The following ZNF536 variants were observed in gnomAD, a reference collection of about 807,000 sequenced individuals.
ZNF536 encodes zinc finger protein 536.
In ZNF536, 13 loss-of-function variants were observed where a neutral mutation model predicts 84.5. The observed-to-expected ratio is 0.15, with a 90% CI of 0.10 to 0.24. The LOEUF is 0.24. Ranked by LOEUF, ZNF536 falls within the 10% of genes least tolerant of loss-of-function variation. The probability of loss-of-function intolerance (pLI) is 1.00; values close to 1 mark genes in which losing one functional copy is unlikely to be tolerated. For synonymous variants in ZNF536, 811 were observed against 742.5 expected, an observed-to-expected ratio of 1.09 and a Z score of -1.50; for missense variants, 1,536 against 1,747.5, an observed-to-expected ratio of 0.88 and a Z score of 2.16.
At chr19:30,439,955 CTTTCTTTTTTT>C (rs2051947140) in intron 1 of ZNF536, among the ~76,000 whole-genome samples, 3 of 133,058 alleles carry the variant, frequency 2.3e-5, no homozygotes, top group African/African-American at 8.9e-5. Context: ...CTTTTTCTTT[CTTTCTTTTTTT>C]TTTTTTTTTT....
chr19:30,320,581 T>TGGATG (rs1207749819), intron 2 of ZNF536, among the ~76,000 whole-genome samples: 1 of 151,956 alleles, frequency 6.6e-6, no homozygotes, highest in Non-Finnish European at 1.5e-5. Flanking sequence ...GGGCAAGGGG[T>TGGATG]TCTCTGGGCT....
intron 2 of ZNF536, among the ~76,000 whole-genome samples, chr19:30,531,566 A>G (rs772442858): frequency 1.1e-4 from 17 of 151,790 alleles, no homozygotes; most frequent in Non-Finnish European, 2.1e-4. Flanking sequence ...ATAGCGGTCG[A>G]TAGGTAATTT....
chr19:30,587,158 G>C (rs2047121950), intron 1 of ZNF536, among the ~76,000 whole-genome samples: 1 of 152,188 alleles, frequency 6.6e-6, no homozygotes, highest in Non-Finnish European at 1.5e-5. Context: ...TCTGGACTGA[G>C]AGACATAGCA....
intron 2 of ZNF536, among the ~76,000 whole-genome samples, chr19:30,291,729 C>T (rs1371840653): frequency 1.3e-5 from 2 of 152,220 alleles, no homozygotes; most frequent in African/African-American, 4.8e-5. Context: ...ACTTCTTCCA[C>T]ACCCTTGCCA....
chr19:30,456,463 G>A (rs905209512), intron 2 of ZNF536, among the ~76,000 whole-genome samples: 9 of 152,012 alleles, frequency 5.9e-5, no homozygotes, highest in Non-Finnish European at 8.8e-5. Flanking sequence ...TGGTGAGTCC[G>A]AGGTGGCAGA....
At chr19:30,433,560 C>T (rs932658434) in intron 1 of ZNF536, among the ~76,000 whole-genome samples, 3 of 152,182 alleles carry the variant, frequency 2.0e-5, no homozygotes, top group South Asian at 2.1e-4. Flanking sequence ...TGCAATGGCG[C>T]GATCTCGGTT....
rs2045630401 is a variant in ZNF536 at position 30,548,222 on chromosome 19, A to T, written c.2603A>T (p.Asp868Val). Residue 868 changes from aspartate to valine, a missense_variant, in exon 4 of 5, where the codon GAT becomes GTT. Asp to Val is a radical substitution (Grantham distance 152). This residue lies in a region of ZNF536 where 624 missense variants were observed against 603.1 expected (regional missense o/e 1.03). Coordinates refer to ENST00000355537, the MANE Select transcript of ZNF536 (RefSeq NM_014717.3). ...QWTSGVLSSG[D>V]HSGQATGMSS... is the part of the protein sequence containing the mutation. ...ACATCAGGGGTTCTCTCCTCTGGAGATCACTCGGGGCAGGCCACGGGCATG... is the reference window on the plus strand; with the variant it reads ...ACATCAGGGGTTCTCTCCTCTGGAGTTCACTCGGGGCAGGCCACGGGCATG... The T allele has an allele frequency of 6.2e-7, 1 of 1,614,150 alleles. No homozygotes were observed. The highest frequency in any genetic ancestry group is 8.5e-7 in the Non-Finnish European group (1 of 1,180,030).
intron 1 of ZNF536, among the ~76,000 whole-genome samples, chr19:30,429,560 ATTG>A (rs2051359817): frequency 6.6e-6 from 1 of 152,080 alleles, no homozygotes; most frequent in Non-Finnish European, 1.5e-5. Context: ...AATGAACAAG[ATTG>A]TTGTTCTCAA....
At chr19:30,226,815 T>C (rs557162114), upstream of ZNF536, among the ~76,000 whole-genome samples, 116 of 151,792 alleles carry the variant, frequency 7.6e-4, no homozygotes, top group African/African-American at 2.7e-3. This position sits in a 1 kb window ranked among gnomAD's most constrained non-coding sequence, Gnocchi z 4.6. Flanking sequence ...TTGCGCGGCG[T>C]CTGGGAAGAG....
intron 1 of ZNF536, among the ~76,000 whole-genome samples, chr19:30,432,679 T>C (rs1214279949): frequency 6.6e-6 from 1 of 152,220 alleles, no homozygotes; most frequent in African/African-American, 2.4e-5. Context: ...GATGTTTGGT[T>C]TGTGGTCCAG....
intron 1 of ZNF536, among the ~76,000 whole-genome samples, chr19:30,609,318 T>G (rs732877): frequency 0.46 from 70,445 of 151,956 alleles, 16,653 homozygotes; most frequent in East Asian, 0.7. Context: ...ACAAAATAGC[T>G]CTTGTCTAGA....
At chr19:30,414,905 C>G (rs1463756414) in intron 1 of ZNF536, among the ~76,000 whole-genome samples, 1 of 152,140 alleles carries the variant, frequency 6.6e-6, no homozygotes, top group African/African-American at 2.4e-5. Flanking sequence ...CTTCCCCCAG[C>G]CCTTTGAAAA....
At chr19:30,327,401 A>C (rs926678342) in intron 2 of ZNF536, among the ~76,000 whole-genome samples, 1 of 152,168 alleles carries the variant, frequency 6.6e-6, no homozygotes, top group Non-Finnish European at 1.5e-5. Context: ...CTTCTCTGTG[A>C]ACAGTTATTT....
intron 1 of ZNF536, among the ~76,000 whole-genome samples, chr19:30,386,708 T>G (rs2049357025): frequency 6.6e-6 from 1 of 152,236 alleles, no homozygotes; most frequent in South Asian, 2.1e-4. Flanking sequence ...AGTGGGTCTT[T>G]GGTCTACATT....
At chr19:30,547,265 C>T (rs2045593089) in intron 3 of ZNF536, among the ~76,000 whole-genome samples, 2 of 152,162 alleles carry the variant, frequency 1.3e-5, no homozygotes, top group African/African-American at 4.8e-5. Flanking sequence ...TATGTCTTTA[C>T]ATGCTGCAAT....
At chr19:30,441,474 G>A (rs1381290599) in intron 1 of ZNF536, among the ~76,000 whole-genome samples, 1 of 152,198 alleles carries the variant, frequency 6.6e-6, no homozygotes, top group Non-Finnish European at 1.5e-5. Context: ...GATAGTGGGT[G>A]TCATGAGTCC....
At chr19:30,446,324 G>T (rs112365550) in intron 2 of ZNF536, among the ~76,000 whole-genome samples, 1 of 150,510 alleles carries the variant, frequency 6.6e-6, no homozygotes, top group East Asian at 1.9e-4. Context: ...ATGGCCAGGT[G>T]GTACATTTTT....
At chr19:30,535,741 G>A (rs10425640) in intron 3 of ZNF536, among the ~76,000 whole-genome samples, 3,198 of 151,950 alleles carry the variant, frequency 0.021, 110 homozygotes, top group African/African-American at 0.073. Context: ...AAAATCTATC[G>A]GAGATATGGA....
In ZNF536 at chr19:30,636,126, G is replaced by A. The variant is rs147166855; in HGVS notation, c.170-74631G>A. On this transcript the variant is annotated intron_variant, in intron 1 of 1. Coordinates refer to the ZNF536 transcript ENST00000592773. The stretch of plus-strand genomic sequence containing the variant: ...TTGCTTGGTGGGGCCCGGGTGTGGC[G>A]TGTCATCCCTTCACAATGGTGGTCA... Among the ~76,000 whole-genome samples, 420 of 152,308 alleles carry A rather than the reference G, an allele frequency of 2.8e-3. 1 individual carries two copies. The highest frequency in any genetic ancestry group is 6.3e-3 in the Admixed American group (97 of 15,308).
Sources: gnomAD v4.1 joint callset for allele counts (sites outside exome capture counted in the v4.1 genomes callset) on GRCh38, gnomAD v4.1.1 for gene constraint, gnomAD v4.1.1 regional missense constraint, Gnocchi (gnomAD v3.1) non-coding constraint, MANE v1.5 for transcripts, NCBI Gene and HGNC (gene_info 2026-07-23, HGNC 2026-07-21) for gene names.